Variants in ANKS1B observed in about 807,000 individuals in gnomAD.
ANKS1B encodes the protein ankyrin repeat and sterile alpha motif domain containing 1B.
Under a neutral mutation model 148.3 loss-of-function variants are expected in ANKS1B, and 36 were observed. The observed-to-expected ratio is 0.24, with a 90% CI of 0.19 to 0.32. ANKS1B has a LOEUF of 0.32. Ranked by LOEUF, ANKS1B falls within the 10% of genes least tolerant of loss-of-function variation. The probability of loss-of-function intolerance (pLI) is 1.00; values close to 1 mark genes in which losing one functional copy is unlikely to be tolerated. For missense variants in ANKS1B, 1,157 were observed against 1,542.6 expected (o/e 0.75, Z 4.19); for synonymous variants, 542 against 560.8 (o/e 0.97, Z 0.47).
At chr12:99,222,109 CT>C (rs2085218885) in intron 14 of ANKS1B, among the ~76,000 whole-genome samples, 1 of 151,982 alleles carries the variant, frequency 6.6e-6, no homozygotes, top group East Asian at 1.9e-4. Context: ...GTAGAGTATG[CT>C]ACCATTTTTT....
chr12:99,780,332 G>A (rs995468850), intron 5 of ANKS1B, among the ~76,000 whole-genome samples: 1 of 152,004 alleles, frequency 6.6e-6, no homozygotes, highest in African/African-American at 2.4e-5. Flanking sequence ...CTGGAGTGCA[G>A]TGGCGCGATC....
At chr12:99,968,936 C>G (rs2153836406) in intron 1 of ANKS1B, among the ~76,000 whole-genome samples, 1 of 152,252 alleles carries the variant, frequency 6.6e-6, no homozygotes, top group South Asian at 2.1e-4. Context: ...TTCCTGAGGC[C>G]TCACCTGAAG....
intron 17 of ANKS1B, among the ~76,000 whole-genome samples, chr12:98,980,325 C>T (rs924665728): frequency 4.6e-5 from 7 of 152,154 alleles, no homozygotes; most frequent in South Asian, 2.1e-4. Flanking sequence ...CTCAGCCTCC[C>T]GAGTAGCTGG....
intron 8 of ANKS1B, among the ~76,000 whole-genome samples, chr12:99,739,033 G>T (rs369129149): frequency 6.6e-6 from 1 of 151,954 alleles, no homozygotes; most frequent in Admixed American, 6.6e-5. Flanking sequence ...CTTAGGCAAA[G>T]GTTAGGAATT....
chr12:99,775,963 T>C (rs1601889826), intron 6 of ANKS1B, among the ~76,000 whole-genome samples: 1 of 152,298 alleles, frequency 6.6e-6, no homozygotes, highest in East Asian at 1.9e-4. Context: ...CTATTGAAGA[T>C]ACAATAAACT....
intron 1 of ANKS1B, among the ~76,000 whole-genome samples, chr12:99,863,309 A>G (rs2090283049): frequency 6.6e-6 from 1 of 152,210 alleles, no homozygotes; most frequent in African/African-American, 2.4e-5. Flanking sequence ...AAAAAAAGAA[A>G]AAAACTCCAC....
chr12:99,782,171 A>AG, intron 4 of ANKS1B, 74 bp from the exon 5 acceptor site: 10 of 1,142,872 alleles, frequency 8.7e-6, no homozygotes, highest in African/African-American at 1.6e-5. Flanking sequence ...TAAAATGCTC[A>AG]CATTTTACAT....
At chr12:99,235,292 A>G (rs1359714519) in intron 14 of ANKS1B, among the ~76,000 whole-genome samples, 1 of 152,116 alleles carries the variant, frequency 6.6e-6, no homozygotes, top group Non-Finnish European at 1.5e-5. Context: ...AGAATTTTAG[A>G]ACATTAATAT....
intron 1 of ANKS1B, among the ~76,000 whole-genome samples, chr12:99,974,267 C>A (rs1056741580): frequency 6.6e-6 from 1 of 152,170 alleles, no homozygotes; most frequent in Non-Finnish European, 1.5e-5. Flanking sequence ...GGATGTTGCA[C>A]ACTTAACAGT....
chr12:99,192,731 C>T (rs1305523592), intron 14 of ANKS1B, among the ~76,000 whole-genome samples: 1 of 152,054 alleles, frequency 6.6e-6, no homozygotes, highest in Non-Finnish European at 1.5e-5. Context: ...TAATATAACA[C>T]TGCATTTTCT....
intron 17 of ANKS1B, among the ~76,000 whole-genome samples, chr12:98,888,596 C>T (rs965973292): frequency 1.3e-5 from 2 of 152,238 alleles, no homozygotes; most frequent in African/African-American, 4.8e-5. Context: ...TCACGCTGGA[C>T]TGCTCTCTGT....
chr12:99,375,332 C>T (rs1277766007), intron 12 of ANKS1B, among the ~76,000 whole-genome samples: 1 of 152,174 alleles, frequency 6.6e-6, no homozygotes, highest in Admixed American at 6.5e-5. Flanking sequence ...TTGAGAACCA[C>T]TGGTGTATAT....
chr12:99,050,316 G>C (rs2153522117), intron 17 of ANKS1B, among the ~76,000 whole-genome samples: 1 of 151,994 alleles, frequency 6.6e-6, no homozygotes, highest in Non-Finnish European at 1.5e-5. Flanking sequence ...AATTCTATTG[G>C]GCATACAAAT....
At chr12:99,638,316 G>A (rs2098263963) in intron 9 of ANKS1B, among the ~76,000 whole-genome samples, 1 of 152,102 alleles carries the variant, frequency 6.6e-6, no homozygotes, top group Non-Finnish European at 1.5e-5. Context: ...ATATGGGGAA[G>A]TTTGGAGCTT....
chr12:99,795,437 G>T (rs555578555), intron 4 of ANKS1B, among the ~76,000 whole-genome samples: 3 of 151,956 alleles, frequency 2.0e-5, no homozygotes, highest in African/African-American at 7.2e-5. Flanking sequence ...CTAAAAATGA[G>T]AGTAAAATAA....
chr12:99,616,361 G>A (rs1212799299), intron 9 of ANKS1B, among the ~76,000 whole-genome samples: 1 of 152,120 alleles, frequency 6.6e-6, no homozygotes, highest in Non-Finnish European at 1.5e-5. Flanking sequence ...GAACAAAGCT[G>A]GAGGCATCAC....
chr12:99,498,522 C>T (rs1271364285), intron 10 of ANKS1B, among the ~76,000 whole-genome samples: 2 of 152,130 alleles, frequency 1.3e-5, no homozygotes, highest in Non-Finnish European at 2.9e-5. Flanking sequence ...ACAAGCCTTC[C>T]TTCATTCACA....
At chr12:99,285,686 T>A (rs1202205290) in intron 12 of ANKS1B, among the ~76,000 whole-genome samples, 1 of 152,166 alleles carries the variant, frequency 6.6e-6, no homozygotes, top group Admixed American at 6.5e-5. Context: ...TGAAAGATGT[T>A]GGCGCCACCC....
At chr12:98,937,093 TG>T (rs2152993479) in intron 17 of ANKS1B, among the ~76,000 whole-genome samples, 1 of 152,348 alleles carries the variant, frequency 6.6e-6, no homozygotes, top group East Asian at 1.9e-4. Flanking sequence ...TCTCCCTATC[TG>T]TAGTTGTCTC....
Sources: gnomAD v4.1 joint callset for allele counts (sites outside exome capture counted in the v4.1 genomes callset) on GRCh38, gnomAD v4.1.1 for gene constraint, MANE v1.5 for transcripts, NCBI Gene and HGNC (gene_info 2026-07-23, HGNC 2026-07-21) for gene names.